GNA12: variants seen among roughly 807,000 people sequenced by gnomAD.
GNA12 encodes the protein guanine nucleotide-binding protein subunit alpha-12.
Under a neutral mutation model 26.0 loss-of-function variants are expected in GNA12, and 9 were observed. That is an observed-to-expected ratio of 0.35 (90% CI 0.21 to 0.60). GNA12 has a LOEUF of 0.60. GNA12 is among the 20% of genes least tolerant of loss of function. The probability of loss-of-function intolerance (pLI) is 0.78; values close to 1 mark genes in which losing one functional copy is unlikely to be tolerated. For missense variants in GNA12, 405 were observed against 525.8 expected (o/e 0.77, Z 2.25); for synonymous variants, 264 against 219.6 (o/e 1.20, Z -1.79).
chr7:2,775,197 C>T (rs1453608972), intron 2 of GNA12: 3 of 152,282 alleles, frequency 2.0e-5, no homozygotes, highest in Non-Finnish European at 2.9e-5. Context: ...TGTAGGCAGC[C>T]GCTGCGCCAG....
intron 2 of GNA12, among the ~76,000 whole-genome samples, chr7:2,767,824 G>A (rs775693500): frequency 3.9e-5 from 6 of 152,180 alleles, no homozygotes; most frequent in Non-Finnish European, 7.3e-5. Context: ...AGATTTGTGT[G>A]TGTGAACAGT....
chr7:2,785,803 T>A (rs1792344731), intron 2 of GNA12, among the ~76,000 whole-genome samples: 2 of 152,116 alleles, frequency 1.3e-5, no homozygotes, highest in Admixed American at 1.3e-4. Context: ...TCCCAGCACT[T>A]TGGGAGACTG....
At position 2,728,464 on chromosome 7, in the gene GNA12, A is replaced by G. The variant is rs1002820513; in HGVS notation, c.*2717T>C. 7 of 152,506 alleles carry G rather than the reference A, an allele frequency of 4.6e-5. No individual in the cohort carries two copies. Among genetic ancestry groups the G allele is most frequent in the African/African-American group, 1.7e-4 (7 of 41,576 alleles). The allele number at this position is 152,506 out of a possible 1,614,324, so 9.4% of individuals were successfully genotyped here. On this transcript the variant is annotated 3_prime_UTR_variant, in exon 4 of 4. Coordinates refer to ENST00000275364, the MANE Select transcript of GNA12 (RefSeq NM_007353.3). ...CAGACCTATGACTCAAAATCCTTGA[A>G]ACAATTTCTCTACGAACATAAGAGT...
Position 2,731,225 on chromosome 7 carries a change from C to G in GNA12, c.1102G>C (p.Asp368His). ...NVRFVFHAVK[D>H]TILQENLKDI... ...TTCAGGTTCTCCTGCAGGATGGTGT[C>G]TTTCACAGCATGGAACACGAAGCGG... The change falls in exon 4 of 4, where the codon GAC (aspartate) becomes CAC (histidine). Residue 368 changes from aspartate (D) to histidine (H), a missense_variant. By Grantham distance (81) the Asp-to-His change is moderately conservative. Transcript: ENST00000275364. This position sits in a 1 kb window ranked among gnomAD's most constrained non-coding sequence, Gnocchi z 6.0. The G allele has an allele frequency of 6.2e-7, 1 of 1,613,410 alleles. No individual in the cohort carries two copies. Among genetic ancestry groups the G allele is most frequent in the South Asian group, 1.1e-5 (1 of 91,028 alleles).
At chr7:2,815,196 CTG>C (rs1793190104) in intron 1 of GNA12, 1 of 426,140 alleles carries the variant, frequency 2.3e-6, no homozygotes, top group South Asian at 2.4e-5. Flanking sequence ...CGGTCCGGCA[CTG>C]TGAGTGTGCT....
chr7:2,812,082 ACT>A (rs949326149), intron 1 of GNA12, among the ~76,000 whole-genome samples: 1 of 151,926 alleles, frequency 6.6e-6, no homozygotes, highest in African/African-American at 2.4e-5. Flanking sequence ...ACCTGAAAAA[ACT>A]CTCAAGAGAA....
At chr7:2,771,416 C>G (rs1347817696) in intron 2 of GNA12, among the ~76,000 whole-genome samples, 1 of 152,148 alleles carries the variant, frequency 6.6e-6, no homozygotes, top group Non-Finnish European at 1.5e-5. Context: ...GAGCAAACAC[C>G]CAAACAACTC....
rs111808576 is a variant in GNA12, at chr7:2,755,283, G to A, written c.526-21782C>T. ...TACATTTTACAATAATCACATCCAT[G>A]TCTACAAAAGATCTTGCTGCGATTT... is the stretch of plus-strand genomic sequence containing the variant. On this transcript the variant is annotated intron_variant, in intron 2 of 3. Transcript: ENST00000275364. Among the ~76,000 whole-genome samples, 1,066 of 152,262 alleles carry A rather than the reference G, an allele frequency of 7.0e-3. 7 individuals are homozygous for A. Among genetic ancestry groups the A allele is most frequent in the African/African-American group, 0.025 (1,037 of 41,536 alleles).
chr7:2,736,853 T>G (rs1790207188), intron 2 of GNA12, among the ~76,000 whole-genome samples: 1 of 152,238 alleles, frequency 6.6e-6, no homozygotes, highest in Non-Finnish European at 1.5e-5. Context: ...CACAGACCCC[T>G]GCTGGCCTCA....
Position 2,757,101 on chromosome 7 carries a change from T to A in GNA12, c.526-23600A>T, listed in dbSNP as rs184266595. Among the ~76,000 whole-genome samples the A allele has an allele frequency of 1.3e-3, 191 of 149,696 alleles. 2 individuals carry two copies. The highest frequency in any genetic ancestry group is 4.3e-3 in the African/African-American group (174 of 40,756). On this transcript the variant is annotated intron_variant, in intron 2 of 3. Coordinates refer to ENST00000275364, the MANE Select transcript of GNA12 (RefSeq NM_007353.3). ...AGGCGGGGGAAAAAAGGAGGTGACC[T>A]TGGCAGGCCCGATCTAATCAGGTGG...
intron 2 of GNA12, among the ~76,000 whole-genome samples, chr7:2,772,033 A>T (rs1245510844): frequency 1.3e-5 from 2 of 152,196 alleles, no homozygotes; most frequent in South Asian, 2.1e-4. Flanking sequence ...GATGACGTCG[A>T]CTGAGCATCT....
chr7:2,766,854 A>G (rs1791818537), intron 2 of GNA12, among the ~76,000 whole-genome samples: 1 of 152,230 alleles, frequency 6.6e-6, no homozygotes, highest in Admixed American at 6.5e-5. Context: ...ATTCCCACCA[A>G]CAGTGCACAA....
Position 2,804,547 on chromosome 7 carries a change from A to C in GNA12, c.310-9404T>G, listed in dbSNP as rs575357541. Reference sequence around the variant, plus strand: ...GGACTGGGCTGAGTGTCAAAAGTCCAAACAGTAACAAGTTGGGTTTTGTGA... The same window carrying C: ...GGACTGGGCTGAGTGTCAAAAGTCCCAACAGTAACAAGTTGGGTTTTGTGA... On this transcript the variant is annotated intron_variant, in intron 1 of 3. Coordinates refer to ENST00000275364, the MANE Select transcript of GNA12 (RefSeq NM_007353.3). Among the ~76,000 whole-genome samples, 152 of 152,352 alleles carry C rather than the reference A, an allele frequency of 1.0e-3. 1 individual carries two copies. The highest frequency in any genetic ancestry group is 3.4e-3 in the African/African-American group (141 of 41,578).
chr7:2,789,135 T>C (rs956270955), intron 2 of GNA12, among the ~76,000 whole-genome samples: 13 of 108,014 alleles, frequency 1.2e-4, no homozygotes, highest in Non-Finnish European at 2.0e-4. Flanking sequence ...CAGGCATCTT[T>C]TTTTTTTTTT....
At chr7:2,775,731 C>G (rs1015839974) in intron 2 of GNA12, among the ~76,000 whole-genome samples, 2 of 152,204 alleles carry the variant, frequency 1.3e-5, no homozygotes, top group Non-Finnish European at 2.9e-5. Flanking sequence ...GGCTCCGAAT[C>G]ACGTCACAAG....
At chr7:2,765,387 C>G (rs1791760450) in intron 2 of GNA12, among the ~76,000 whole-genome samples, 1 of 152,108 alleles carries the variant, frequency 6.6e-6, no homozygotes. Flanking sequence ...TCTAGATCTC[C>G]TGACCTCGTG....
intron 1 of GNA12, among the ~76,000 whole-genome samples, chr7:2,812,651 CACA>C (rs1793110688): frequency 1.2e-5 from 1 of 85,856 alleles, no homozygotes; most frequent in African/African-American, 3.4e-5. Flanking sequence ...CACATCACAT[CACA>C]TCACATCACA....
intron 1 of GNA12, among the ~76,000 whole-genome samples, chr7:2,826,587 C>T (rs774989119): frequency 6.6e-6 from 1 of 152,100 alleles, no homozygotes; most frequent in Non-Finnish European, 1.5e-5. Context: ...TATATCCATA[C>T]AAAGGTATAC....
chr7:2,805,062 G>A (rs953061735), intron 1 of GNA12, among the ~76,000 whole-genome samples: 2 of 152,184 alleles, frequency 1.3e-5, no homozygotes, highest in African/African-American at 4.8e-5. Context: ...TGGTCAAGCT[G>A]GGGCCTCAGC....
Sources: allele counts gnomAD v4.1 joint callset (sites outside exome capture counted in the v4.1 genomes callset), GRCh38; gene constraint gnomAD v4.1.1; non-coding constraint Gnocchi (gnomAD v3.1); transcripts MANE v1.5; gene names NCBI Gene and HGNC (gene_info 2026-07-23, HGNC 2026-07-21).